DSC1: variants seen among roughly 807,000 people sequenced by gnomAD.
The protein encoded by DSC1 is desmocollin 1, also known as desmocollin-1.
Under a neutral mutation model 98.8 loss-of-function variants are expected in DSC1, and 79 were observed. The observed-to-expected ratio is 0.80, with a 90% CI of 0.67 to 0.96. DSC1 has a LOEUF of 0.96. Ranked by LOEUF, DSC1 falls within the 50% of genes least tolerant of loss-of-function variation. The pLI is 0.00. For missense variants in DSC1, 1,115 were observed against 1,075.9 expected (o/e 1.04, Z -0.51); for synonymous variants, 405 against 372.1 (o/e 1.09, Z -1.02).
intron 1 of DSC1, among the ~76,000 whole-genome samples, chr18:31,161,371 C>CAT (rs150815803): frequency 2.3e-4 from 34 of 150,648 alleles, no homozygotes; most frequent in South Asian, 1.3e-3. Flanking sequence ...TATAAATGTA[C>CAT]ATATATATAT....
chr18:31,139,720 T>G (rs760101651), intron 11 of DSC1, 28 bp downstream of exon 11: 1 of 1,544,150 alleles, frequency 6.5e-7, no homozygotes, highest in Non-Finnish European at 8.7e-7. Flanking sequence ...CATATATTTA[T>G]ATTTTATCTG....
intron 6 of DSC1, among the ~76,000 whole-genome samples, chr18:31,146,204 C>T (rs1324305119): frequency 6.6e-6 from 1 of 152,048 alleles, no homozygotes; most frequent in African/African-American, 2.4e-5. Flanking sequence ...GAATGTGGTA[C>T]CGAATACGTA....
At chr18:31,140,440 A>G (rs1424953770) in intron 9 of DSC1, 139 bp from the exon 10 acceptor site, 5 of 852,670 alleles carry the variant, frequency 5.9e-6, no homozygotes, top group Non-Finnish European at 6.6e-6. Flanking sequence ...TTAAAGACCA[A>G]CAATTAGCTT....
chr18:31,144,515 A>G (rs1988801194), intron 7 of DSC1, among the ~76,000 whole-genome samples: 2 of 152,218 alleles, frequency 1.3e-5, no homozygotes, highest in Admixed American at 6.5e-5. Flanking sequence ...AAAAGCCTAC[A>G]TACTATATGA....
At chr18:31,132,806 G>A in intron 13 of DSC1, 117 bp from the exon 14 acceptor site, 2 of 904,952 alleles carry the variant, frequency 2.2e-6, no homozygotes, top group Non-Finnish European at 1.6e-6. Flanking sequence ...GAGCTCTTCA[G>A]GTCACAAGAT....
chr18:31,157,456 CT>C lies in DSC1; in HGVS notation c.265del (p.Arg89GlyfsTer19). ...TGAAAGGAAAATGGAAAAACTTTTC[CT>C]TTCAGAAGACAAAATGAGGTCATGT... is the stretch of plus-strand genomic sequence containing the variant. ...TTHDLILSSE[R>X]KSFSIFLSDG... On this transcript the variant is annotated frameshift_variant, in exon 3 of 16. Transcript: ENST00000257198. LOFTEE classifies it high-confidence loss of function. The C allele has an allele frequency of 6.2e-7, 1 of 1,614,132 alleles. No individual in the cohort carries two copies. The highest frequency in any genetic ancestry group is 1.1e-5 in the South Asian group (1 of 91,074).
intron 13 of DSC1, 21 bp from the exon 14 acceptor site, chr18:31,132,710 A>G: frequency 6.2e-7 from 1 of 1,603,234 alleles, no homozygotes; most frequent in African/African-American, 1.3e-5. Context: ...AAAAAGATCA[A>G]AGTAAAACAC....
intron 6 of DSC1, among the ~76,000 whole-genome samples, chr18:31,148,227 C>T (rs1988887360): frequency 6.6e-6 from 1 of 151,916 alleles, no homozygotes; most frequent in East Asian, 1.9e-4. Context: ...TAAATGCTGC[C>T]AGAATTATAA....
chr18:31,142,367 T>C (rs1328411272), intron 8 of DSC1, among the ~76,000 whole-genome samples, 183 bp from the exon 9 acceptor site: 1 of 152,194 alleles, frequency 6.6e-6, no homozygotes, highest in Non-Finnish European at 1.5e-5. Flanking sequence ...TGCCTTTTCA[T>C]ATCTTTTCCA....
chr18:31,137,515 T>C (rs921667990), intron 11 of DSC1, among the ~76,000 whole-genome samples: 28 of 152,162 alleles, frequency 1.8e-4, no homozygotes, highest in African/African-American at 6.3e-4. Context: ...TGTGCATATG[T>C]ATACCACATT....
rs147731245 is a variant in DSC1, at chr18:31,145,132, C to T, written c.939+479G>A. ...TTTCTTTGGATTTTTTTGGTAGAGA[C>T]GGCGTTTCATGGTGTTAGCCAGGAT... is the stretch of plus-strand genomic sequence containing the variant. On this transcript the variant is annotated intron_variant, in intron 7 of 15. Transcript: ENST00000257198. Among the ~76,000 whole-genome samples the T allele has an allele frequency of 1.5e-3, 232 of 151,764 alleles. 10 individuals are homozygous for T. In the East Asian group the frequency reaches 0.041, roughly 27 times the overall value.
chr18:31,133,958 A>G lies in DSC1; in HGVS notation c.2049T>C (p.Val683=). The G allele has an allele frequency of 6.2e-7, 1 of 1,613,470 alleles. No individual in the cohort carries two copies. Among genetic ancestry groups the G allele is most frequent in the Non-Finnish European group, 8.5e-7 (1 of 1,179,648 alleles). ...CRMKDKSTRD[V]RPNVILGRWA... ...ATCTTCCAAGTATTACATTTGGTCT[A>G]ACGTCTCTTGTACTTTTATCCTTCA... Residue 683 remains valine, a synonymous_variant, in exon 13 of 16, where the codon GTT becomes GTC. Transcript: ENST00000257198.
intron 7 of DSC1, 70 bp downstream of exon 7, chr18:31,145,541 A>C (rs1368759223): frequency 6.4e-7 from 1 of 1,560,108 alleles, no homozygotes; most frequent in African/African-American, 1.4e-5. Flanking sequence ...CCATATTGCA[A>C]CTTCTCTCGG....
At chr18:31,135,239 A>T (rs1031823615) in intron 11 of DSC1, among the ~76,000 whole-genome samples, 3 of 152,082 alleles carry the variant, frequency 2.0e-5, no homozygotes, top group Non-Finnish European at 2.9e-5. Context: ...TCTGCTTTGT[A>T]GCATTCGGTT....
chr18:31,134,139 A>G lies in DSC1; in HGVS notation c.1877-9T>C, dbSNP rs1223139518. ...AAGAATGGCAGTTTTACCTAGGGAAAAAAAAGACAGAATATATATGGATTG... is the reference window on the plus strand; with the variant it reads ...AAGAATGGCAGTTTTACCTAGGGAAGAAAAAGACAGAATATATATGGATTG... On this transcript the variant is annotated splice_polypyrimidine_tract_variant and intron_variant, in intron 12 of 15. Transcript: ENST00000257198. 5 of 1,600,470 alleles carry G rather than the reference A, an allele frequency of 3.1e-6. No homozygotes were observed. Among genetic ancestry groups the G allele is most frequent in the African/African-American group, 1.3e-5 (1 of 74,864 alleles).
chr18:31,142,056 T>C lies in DSC1; in HGVS notation c.1203A>G (p.Gly401=). The change falls in exon 9 of 16, where the codon GGA becomes GGG. Residue 401 remains glycine, a synonymous_variant. Transcript: ENST00000257198. ...TTGGATCTGTGCTAATTATGAAGTTTCCATTTTCATTTCCTTGTAGGATTT... is the reference window on the plus strand; with the variant it reads ...TTGGATCTGTGCTAATTATGAAGTTCCCATTTTCATTTCCTTGTAGGATTT... The part of the protein sequence containing the change: ...VYKILQGNEN[G]NFIISTDPNT... The C allele has an allele frequency of 6.2e-7, 1 of 1,613,048 alleles. No individual in the cohort carries two copies. Among genetic ancestry groups the C allele is most frequent in the South Asian group, 1.1e-5 (1 of 90,858 alleles).
chr18:31,154,436 A>G (rs2143925551), intron 5 of DSC1, among the ~76,000 whole-genome samples: 1 of 152,254 alleles, frequency 6.6e-6, no homozygotes, highest in Non-Finnish European at 1.5e-5. Flanking sequence ...CACATGACTT[A>G]TAATGTACAG....
At position 31,131,750 on chromosome 18, in the gene DSC1, C is replaced by G. The variant is rs758726020; in HGVS notation, c.2331G>C (p.Gln777His). 5.6e-6 allele frequency: 9 copies of G among 1,614,112 alleles called. No homozygotes were observed. The highest frequency in any genetic ancestry group is 1.3e-5 in the African/African-American group (1 of 75,042). The change falls in exon 15 of 16, where the codon CAG becomes CAC. Residue 777 changes from glutamine to histidine, a missense_variant. Gln to His is a conservative substitution (Grantham distance 24). Transcript: ENST00000257198. Reference sequence around the variant, plus strand: ...CTCCTTTGACCATCTCAAAACTTTGCTGTGTTTTGATTCCCTGGCCACCAA... The same window carrying G: ...CTCCTTTGACCATCTCAAAACTTTGGTGTGTTTTGATTCCCTGGCCACCAA... ...GTVGGQGIKT[Q>H]QSFEMVKGGY...
intron 5 of DSC1, among the ~76,000 whole-genome samples, chr18:31,153,120 A>C (rs1390290944): frequency 6.6e-6 from 1 of 152,088 alleles, no homozygotes; most frequent in Admixed American, 6.6e-5. Flanking sequence ...TTTTAATTAT[A>C]AACTGTTCTC....
Sources: allele counts gnomAD v4.1 joint callset (sites outside exome capture counted in the v4.1 genomes callset), GRCh38; gene constraint gnomAD v4.1.1; transcripts MANE v1.5; gene names NCBI Gene and HGNC (gene_info 2026-07-23, HGNC 2026-07-21).